CLEC2L: variants seen among roughly 807,000 people sequenced by gnomAD.
CLEC2L encodes C-type lectin domain family 2, member L.
Under a neutral mutation model 23.6 loss-of-function variants are expected in CLEC2L, and 14 were observed. That is an observed-to-expected ratio of 0.59 (90% CI 0.39 to 0.93). The LOEUF (loss-of-function observed/expected upper bound fraction) is 0.93, where lower values mean the gene tolerates loss of function less well. CLEC2L is among the 40% of genes least tolerant of loss of function. The pLI is 0.00. For synonymous variants in CLEC2L, 114 were observed against 121.3 expected, an observed-to-expected ratio of 0.94 and a Z score of 0.40; for missense variants, 264 against 282.4, an observed-to-expected ratio of 0.93 and a Z score of 0.47.
chr7:139,540,538 C>G lies in CLEC2L; in HGVS notation c.432+51C>G. 1.3e-6 allele frequency: 2 copies of G among 1,545,754 alleles called. No individual in the cohort carries two copies. The highest frequency in any genetic ancestry group is 1.8e-6 in the Non-Finnish European group (2 of 1,142,644). On this transcript the variant is annotated intron_variant, in intron 3 of 4. Coordinates refer to ENST00000422142, the MANE Select transcript of CLEC2L (RefSeq NM_001080511.4). The surrounding 1 kb of genome is among the most constrained non-coding windows in gnomAD (Gnocchi z 5.8). Reference sequence around the variant, plus strand: ...TGGGGGAAGGGACCCTCAGGGCCCCCAACCTTGACTCTAGGGGACAGCCAC... The same window carrying G: ...TGGGGGAAGGGACCCTCAGGGCCCCGAACCTTGACTCTAGGGGACAGCCAC...
intron 1 of CLEC2L, among the ~76,000 whole-genome samples, chr7:139,533,719 T>C (rs917073673): frequency 1.3e-5 from 2 of 152,240 alleles, no homozygotes; most frequent in Non-Finnish European, 2.9e-5. Flanking sequence ...CTTTTCAGAC[T>C]ATCTTTGGTG....
At chr7:139,531,825 G>T (rs555500529) in intron 1 of CLEC2L, among the ~76,000 whole-genome samples, 11 of 152,022 alleles carry the variant, frequency 7.2e-5, no homozygotes, top group Middle Eastern at 3.4e-3. Flanking sequence ...CAGGAAAATT[G>T]CTTGAACCCA....
chr7:139,523,906 G>A lies in CLEC2L; in HGVS notation c.-22G>A. On this transcript the variant is annotated 5_prime_UTR_variant, in exon 1 of 5. Transcript: ENST00000422142. This position sits in a 1 kb window ranked among gnomAD's most constrained non-coding sequence, Gnocchi z 4.1. The stretch of plus-strand genomic sequence containing the variant: ...CGCACCCCGGTGCAGGAGCGCGGGC[G>A]CGGCGCGGCGGAGCGCCCCGCATGG... 1 of 977,794 alleles carries A rather than the reference G, an allele frequency of 1.0e-6. No individual in the cohort carries two copies. The highest frequency in any genetic ancestry group is 1.8e-5 in the African/African-American group (1 of 56,580). 60.6% of individuals were successfully genotyped at this position (977,794 alleles called of 1,614,324 possible).
rs190958844 is a variant in CLEC2L, at chr7:139,527,282, T to C, written c.190+3165T>C. Among the ~76,000 whole-genome samples the C allele has an allele frequency of 3.6e-3, 546 of 152,256 alleles. 2 individuals carry two copies. The highest frequency in any genetic ancestry group is 8.0e-3 in the African/African-American group (333 of 41,550). On this transcript the variant is annotated intron_variant, in intron 1 of 4. Transcript: ENST00000422142. ...GTGAAGGCTCTGACCCCTTCCTGCA[T>C]GGCCAAGGACGTCAGCCTTGGTGAA...
chr7:139,533,109 C>G lies in CLEC2L; in HGVS notation c.191-3165C>G, dbSNP rs114594608. Among the ~76,000 whole-genome samples the G allele has an allele frequency of 8.5e-3, 1,287 of 152,138 alleles. 19 individuals are homozygous for G. Among genetic ancestry groups the G allele is most frequent in the African/African-American group, 0.03 (1,232 of 41,472 alleles). ...TTTATGCTGAGCTAAGTATATAACA[C>G]CAAAGTATCAAGCTAATACAAACTA... On this transcript the variant is annotated intron_variant, in intron 1 of 4. Transcript: ENST00000422142.
At chr7:139,530,840 G>T (rs961024444) in intron 1 of CLEC2L, among the ~76,000 whole-genome samples, 5 of 148,826 alleles carry the variant, frequency 3.4e-5, no homozygotes. Flanking sequence ...AAAAAAATAG[G>T]GCCTCTAGAC....
At chr7:139,530,982 C>G (rs368861575) in intron 1 of CLEC2L, among the ~76,000 whole-genome samples, 46 of 152,266 alleles carry the variant, frequency 3.0e-4, no homozygotes, top group African/African-American at 9.9e-4. Flanking sequence ...TCCATGGACT[C>G]TCATCCATCC....
At chr7:139,532,760 G>A (rs1409520055) in intron 1 of CLEC2L, among the ~76,000 whole-genome samples, 2 of 152,130 alleles carry the variant, frequency 1.3e-5, no homozygotes, top group Non-Finnish European at 2.9e-5. Context: ...GTAAGAAAGC[G>A]GCTGTCAGCA....
chr7:139,524,263 T>G, intron 1 of CLEC2L, 146 bp downstream of exon 1: 1 of 894,030 alleles, frequency 1.1e-6, no homozygotes, highest in East Asian at 9.9e-5. Flanking sequence ...GAGTCATTCA[T>G]TTCAGGGCGG....
intron 1 of CLEC2L, among the ~76,000 whole-genome samples, chr7:139,529,688 C>G (rs1797552085): frequency 2.6e-5 from 4 of 152,206 alleles, no homozygotes; most frequent in Admixed American, 2.6e-4. Flanking sequence ...ATAGGAAAGA[C>G]TGGAAATGTT....
intron 1 of CLEC2L, among the ~76,000 whole-genome samples, chr7:139,528,679 G>A (rs1797538291): frequency 6.6e-6 from 1 of 152,294 alleles, no homozygotes; most frequent in Non-Finnish European, 1.5e-5. Context: ...AGATCTGGGT[G>A]GGGACATAGT....
intron 2 of CLEC2L, among the ~76,000 whole-genome samples, chr7:139,537,845 TG>T (rs1306825140): frequency 6.6e-6 from 1 of 152,182 alleles, no homozygotes; most frequent in Non-Finnish European, 1.5e-5. Context: ...AGAGTGTGTG[TG>T]GAACTGAAAG....
intron 1 of CLEC2L, among the ~76,000 whole-genome samples, chr7:139,532,134 CA>C (rs1203042945): frequency 6.6e-6 from 1 of 152,120 alleles, no homozygotes; most frequent in Non-Finnish European, 1.5e-5. Flanking sequence ...CTAGACTTTT[CA>C]AAAGCAACAC....
intron 1 of CLEC2L, among the ~76,000 whole-genome samples, chr7:139,535,894 G>C (rs933399351): frequency 1.3e-5 from 2 of 152,276 alleles, no homozygotes; most frequent in Non-Finnish European, 2.9e-5. Flanking sequence ...TTCATGAGCA[G>C]TGGGTAGCCC....
At chr7:139,524,241 C>G (rs740529) in intron 1 of CLEC2L, 124 bp downstream of exon 1, 8 of 949,690 alleles carry the variant, frequency 8.4e-6, no homozygotes, top group Non-Finnish European at 8.6e-6. Context: ...AGCGCGGCGC[C>G]GGGACGCGGC....
Position 139,535,358 on chromosome 7 carries a change from C to T in CLEC2L, c.191-916C>T, listed in dbSNP as rs139665529. On this transcript the variant is annotated intron_variant, in intron 1 of 4. Coordinates refer to ENST00000422142, the MANE Select transcript of CLEC2L (RefSeq NM_001080511.4). ...GACAGAAAGTAGAAGGGTGGTTGCC[C>T]GGGGCTGGGGAGAGGAGGGGATGGG... 3.2e-3 allele frequency among the ~76,000 whole-genome samples: 485 copies of T among 152,102 alleles called. 3 individuals are homozygous for T. Among genetic ancestry groups the T allele is most frequent in the African/African-American group, 0.011 (445 of 41,490 alleles).
At chr7:139,524,522 G>A (rs1201991341) in intron 1 of CLEC2L, among the ~76,000 whole-genome samples, 2 of 152,222 alleles carry the variant, frequency 1.3e-5, no homozygotes, top group African/African-American at 4.8e-5. Flanking sequence ...AGACCCCAGA[G>A]GTGGTGCCCG....
At position 139,524,034 on chromosome 7, in the gene CLEC2L, C is replaced by G. The variant is rs1251698422; in HGVS notation, c.107C>G (p.Ala36Gly). ...CCCAGGCCGCGTTCGCCCGCAGAGGCTGAGGCCCGCGGCCCCGAGGGGCTG... is the reference window on the plus strand; with the variant it reads ...CCCAGGCCGCGTTCGCCCGCAGAGGGTGAGGCCCGCGGCCCCGAGGGGCTG... ...AAPRPRSPAE[A>G]EARGPEGLLR... The change falls in exon 1 of 5, where the codon GCT (alanine) becomes GGT (glycine). Residue 36 changes from alanine (A) to glycine (G), a missense_variant. Transcript: ENST00000422142. The G allele has an allele frequency of 8.4e-7, 1 of 1,191,134 alleles. No homozygotes were observed. The highest frequency in any genetic ancestry group is 4.5e-5 in the Admixed American group (1 of 22,066). 73.8% of individuals were successfully genotyped at this position (1,191,134 alleles called of 1,614,324 possible). A position where few individuals can be genotyped will look rare whatever the true frequency, so the allele number is the denominator to read the frequency against.
At position 139,540,318 on chromosome 7, in the gene CLEC2L, C is replaced by A; in HGVS notation, c.266-3C>A. The A allele has an allele frequency of 6.2e-7, 1 of 1,605,400 alleles. No homozygotes were observed. Among genetic ancestry groups the A allele is most frequent in the East Asian group, 2.2e-5 (1 of 44,578 alleles). On this transcript the variant is annotated splice_polypyrimidine_tract_variant and splice_region_variant and intron_variant, in intron 2 of 4. Transcript: ENST00000422142. The surrounding 1 kb of genome is among the most constrained non-coding windows in gnomAD (Gnocchi z 5.8). ...CAGGGCCGAGCTGGTCTCTTCCCTG[C>A]AGCTTCCAAGGGCTGCATCAAGTGC...
Sources: gnomAD v4.1 joint callset for allele counts (sites outside exome capture counted in the v4.1 genomes callset) on GRCh38, gnomAD v4.1.1 for gene constraint, Gnocchi (gnomAD v3.1) non-coding constraint, MANE v1.5 for transcripts, NCBI Gene and HGNC (gene_info 2026-07-23, HGNC 2026-07-21) for gene names.